Variants in HSD17B12 observed in about 807,000 individuals in gnomAD.
HSD17B12 encodes the protein very-long-chain 3-oxoacyl-CoA reductase.
A neutral mutation model predicts 39.3 loss-of-function variants in HSD17B12; 32 were observed. That is an observed-to-expected ratio of 0.81 (90% CI 0.61 to 1.09). HSD17B12 has a LOEUF of 1.09. Ranked by LOEUF, HSD17B12 falls within the 50% of genes least tolerant of loss-of-function variation. The pLI is 0.00. For synonymous variants in HSD17B12, 150 were observed against 146.7 expected (o/e 1.02, Z -0.16); for missense variants, 342 against 382.9 (o/e 0.89, Z 0.89).
At chr11:43,605,979 A>C in the HSD17B12 span, among the ~76,000 whole-genome samples, 1 of 152,210 alleles carries the variant, frequency 6.6e-6, no homozygotes, top group Non-Finnish European at 1.5e-5. Context: ...AGAGTATCTA[A>C]ATGAGGATTA....
chr11:43,826,145 T>G (rs1488935846), intron 6 of HSD17B12, among the ~76,000 whole-genome samples: 3 of 149,224 alleles, frequency 2.0e-5, no homozygotes, highest in Admixed American at 6.7e-5. Flanking sequence ...TGCAGTGGCG[T>G]GATCTCCGCT....
chr11:43,668,077 C>T, the HSD17B12 span, among the ~76,000 whole-genome samples: 1 of 152,182 alleles, frequency 6.6e-6, no homozygotes, highest in Non-Finnish European at 1.5e-5. Context: ...AACACACACA[C>T]ACACATACAA....
At chr11:43,665,357 T>C in the HSD17B12 span, among the ~76,000 whole-genome samples, 2 of 152,168 alleles carry the variant, frequency 1.3e-5, no homozygotes, top group African/African-American at 2.4e-5. Context: ...TAGCTGGGAC[T>C]GCAGGCATGC....
the HSD17B12 span, among the ~76,000 whole-genome samples, chr11:43,616,797 TAAAAAAAA>T: frequency 1.5e-4 from 9 of 59,726 alleles, no homozygotes; most frequent in African/African-American, 5.0e-4. Flanking sequence ...GTGCCCAAAC[TAAAAAAAA>T]AAAAAAAAAA....
intron 6 of HSD17B12, chr11:43,829,862 T>C (rs1249823880): frequency 6.6e-6 from 1 of 151,948 alleles, no homozygotes; most frequent in Non-Finnish European, 1.5e-5. Context: ...TGATGAAATG[T>C]GCTAAATAAA....
chr11:43,762,176 A>G (rs1411227790), intron 3 of HSD17B12, among the ~76,000 whole-genome samples: 1 of 130,866 alleles, frequency 7.6e-6, no homozygotes, highest in Non-Finnish European at 1.8e-5. Flanking sequence ...AAAAATTAAG[A>G]AGAAAAAAAA....
the HSD17B12 span, among the ~76,000 whole-genome samples, chr11:43,613,447 C>A: frequency 2.2e-4 from 33 of 150,474 alleles, no homozygotes; most frequent in South Asian, 8.4e-4. Flanking sequence ...ACAACAACAA[C>A]AAAAAAACCA....
the HSD17B12 span, among the ~76,000 whole-genome samples, chr11:43,589,493 TTTTG>T: frequency 6.6e-6 from 1 of 152,222 alleles, no homozygotes; most frequent in Non-Finnish European, 1.5e-5. Flanking sequence ...ATATTTTTGT[TTTTG>T]TTTATTATTT....
intron 1 of HSD17B12, among the ~76,000 whole-genome samples, chr11:43,728,038 T>A (rs9804429): frequency 0.22 from 33,452 of 151,906 alleles, 3,897 homozygotes; most frequent in Middle Eastern, 0.37. Flanking sequence ...GCTTGCATAG[T>A]GTGATTCTGT....
chr11:43,564,442 C>T, the HSD17B12 span, among the ~76,000 whole-genome samples: 1 of 152,242 alleles, frequency 6.6e-6, no homozygotes, highest in Non-Finnish European at 1.5e-5. Context: ...AAAACTCCTA[C>T]TTTAGCCACT....
chr11:43,676,776 C>T (rs540792424), upstream of HSD17B12, among the ~76,000 whole-genome samples: 3 of 152,312 alleles, frequency 2.0e-5, no homozygotes, highest in East Asian at 5.8e-4. Context: ...TCCCTATAAT[C>T]ATAGATTCTA....
chr11:43,638,167 C>T, the HSD17B12 span, among the ~76,000 whole-genome samples: 2 of 152,186 alleles, frequency 1.3e-5, no homozygotes, highest in African/African-American at 4.8e-5. Context: ...ATCATAGACA[C>T]ATATAGAATG....
chr11:43,588,006 T>C, the HSD17B12 span, among the ~76,000 whole-genome samples: 6 of 152,130 alleles, frequency 3.9e-5, no homozygotes, highest in Non-Finnish European at 5.9e-5. Context: ...GAAGGAGAAA[T>C]TGGGAGGCTG....
chr11:43,583,320 C>T, the HSD17B12 span, among the ~76,000 whole-genome samples: 7 of 152,224 alleles, frequency 4.6e-5, no homozygotes, highest in African/African-American at 1.2e-4. Flanking sequence ...CGGCGTCGTG[C>T]GGCACCGGAG....
chr11:43,697,421 T>A (rs1353861778), intron 1 of HSD17B12, among the ~76,000 whole-genome samples: 1 of 152,234 alleles, frequency 6.6e-6, no homozygotes, highest in Non-Finnish European at 1.5e-5. Flanking sequence ...AAGCTTACCA[T>A]GTACCAGGTA....
intron 1 of HSD17B12, among the ~76,000 whole-genome samples, chr11:43,706,161 A>C (rs1950012849): frequency 6.6e-6 from 1 of 152,010 alleles, no homozygotes; most frequent in African/African-American, 2.4e-5. Context: ...TGTGTGTATA[A>C]ATATGGCTTT....
chr11:43,579,848 G>C, the HSD17B12 span, among the ~76,000 whole-genome samples: 55 of 152,072 alleles, frequency 3.6e-4, no homozygotes, highest in African/African-American at 1.3e-3. Flanking sequence ...TTTTCTCCGG[G>C]CGTGCTGGGC....
the HSD17B12 span, among the ~76,000 whole-genome samples, chr11:43,619,703 T>C: frequency 3.3e-5 from 5 of 152,046 alleles, no homozygotes; most frequent in African/African-American, 1.2e-4. Context: ...CACTTTTCCT[T>C]TCAAACCAAC....
intron 1 of HSD17B12, among the ~76,000 whole-genome samples, chr11:43,744,628 C>T (rs1950397731): frequency 6.6e-6 from 1 of 152,048 alleles, no homozygotes; most frequent in Non-Finnish European, 1.5e-5. Flanking sequence ...CCTGGATATC[C>T]TGGATGGGAT....
Sources: gnomAD v4.1 joint callset for allele counts (sites outside exome capture counted in the v4.1 genomes callset) on GRCh38, gnomAD v4.1.1 for gene constraint, MANE v1.5 for transcripts, NCBI Gene and HGNC (gene_info 2026-07-23, HGNC 2026-07-21) for gene names.